The following CLNK variants were observed in gnomAD, a reference collection of about 807,000 sequenced individuals.
CLNK encodes cytokine dependent hematopoietic cell linker.
A neutral mutation model predicts 68.6 loss-of-function variants in CLNK; 74 were observed. That is an observed-to-expected ratio of 1.08 (90% confidence interval 0.89 to 1.31). The LOEUF (loss-of-function observed/expected upper bound fraction) is 1.31, where lower values mean the gene tolerates loss of function less well. CLNK is among the 50% of genes most tolerant of loss of function. CLNK has a pLI of 0.00. For synonymous variants in CLNK, 198 were observed against 172.2 expected (o/e 1.15, Z -1.17); for missense variants, 553 against 515.3 (o/e 1.07, Z -0.71).
upstream of CLNK, among the ~76,000 whole-genome samples, chr4:10,688,255 A>G (rs1211731799): frequency 6.6e-6 from 1 of 151,794 alleles, no homozygotes; most frequent in Non-Finnish European, 1.5e-5. Context: ...GTGTAGAGCT[A>G]AATCTATGTT....
In CLNK at chr4:10,610,048, T is replaced by G. The variant is rs1448404526; in HGVS notation, c.12-11999A>C. On this transcript the variant is annotated intron_variant, in intron 2 of 18. Transcript: ENST00000226951. ...ATGAATGCTCGTTTTTTTTTTTTTT[T>G]TTTTTTTTTTTTTTTTTTTTTTTTT... 6.6e-3 allele frequency among the ~76,000 whole-genome samples: 69 copies of G among 10,386 alleles called. 5 individuals are homozygous for G. Among genetic ancestry groups the G allele is most frequent in the Non-Finnish European group, 8.6e-3 (34 of 3,966 alleles). 6.8% of individuals were successfully genotyped at this position (10,386 alleles called of 152,430 possible). A position where few individuals can be genotyped will look rare whatever the true frequency, so the allele number is the denominator to read the frequency against.
chr4:10,715,338 C>G, the CLNK span, among the ~76,000 whole-genome samples: 1 of 152,166 alleles, frequency 6.6e-6, no homozygotes, highest in Non-Finnish European at 1.5e-5. Context: ...CACCTTGTAG[C>G]TTCCACCCCG....
At chr4:10,532,664 T>G (rs560769504) in intron 11 of CLNK, among the ~76,000 whole-genome samples, 1 of 152,252 alleles carries the variant, frequency 6.6e-6, no homozygotes, top group South Asian at 2.1e-4. Context: ...TGAGGGAACA[T>G]AAAGAGTTTT....
intron 2 of CLNK, among the ~76,000 whole-genome samples, chr4:10,641,219 G>A (rs1482847088): frequency 6.6e-6 from 1 of 152,142 alleles, no homozygotes; most frequent in African/African-American, 2.4e-5. Flanking sequence ...TTACTCAGTG[G>A]GGTTTCACAG....
Position 10,490,565 on chromosome 4 carries a change from T to C in CLNK, c.1189A>G (p.Ile397Val). ...DIIEHYKNFP[I>V]ILIDGKDKTG... ...TTATCTTTCCCATCAATTAGTATAATGGGAAAATTCTTGTAGTGTTCGATG... is the reference window on the plus strand; with the variant it reads ...TTATCTTTCCCATCAATTAGTATAACGGGAAAATTCTTGTAGTGTTCGATG... Residue 397 changes from isoleucine to valine, a missense_variant, in exon 19 of 19, where the codon ATT becomes GTT. Coordinates refer to ENST00000226951, the MANE Select transcript of CLNK (RefSeq NM_052964.4). The C allele has an allele frequency of 1.3e-6, 2 of 1,596,202 alleles. No homozygotes were observed. Among genetic ancestry groups the C allele is most frequent in the South Asian group, 1.1e-5 (1 of 87,838 alleles).
chr4:10,667,791 C>A, intron 2 of CLNK, 68 bp downstream of exon 2: 1 of 1,447,154 alleles, frequency 6.9e-7, no homozygotes, highest in Non-Finnish European at 9.3e-7. Flanking sequence ...AGTTCATCTT[C>A]CAGAAAACAC....
the CLNK span, among the ~76,000 whole-genome samples, chr4:10,731,714 C>A: frequency 2.0e-5 from 3 of 152,116 alleles, no homozygotes; most frequent in Non-Finnish European, 4.4e-5. Flanking sequence ...TCATGGTGTG[C>A]AAAATGTGTC....
At chr4:10,599,833 T>A (rs1308615723) in intron 2 of CLNK, among the ~76,000 whole-genome samples, 2 of 152,210 alleles carry the variant, frequency 1.3e-5, no homozygotes, top group Non-Finnish European at 2.9e-5. Context: ...TCAGCCTTAC[T>A]TCTGCTTTCA....
At chr4:10,664,842 T>C (rs971920197) in intron 2 of CLNK, among the ~76,000 whole-genome samples, 3 of 152,216 alleles carry the variant, frequency 2.0e-5, no homozygotes, top group Non-Finnish European at 4.4e-5. Flanking sequence ...ACCTTTCATT[T>C]GTGTGGTGCC....
In CLNK at chr4:10,487,417, C is replaced by T. The variant is rs1300455379; in HGVS notation, c.*3050G>A. On this transcript the variant is annotated 3_prime_UTR_variant, in exon 19 of 19. Transcript: ENST00000226951. ...AAACAAATACAATCGAATTTATATACTCTTATTATTTAATCATCCATTACA... is the reference window on the plus strand; with the variant it reads ...AAACAAATACAATCGAATTTATATATTCTTATTATTTAATCATCCATTACA... 3 of 152,108 alleles carry T rather than the reference C, an allele frequency of 2.0e-5. No homozygotes were observed. The highest frequency in any genetic ancestry group is 2.9e-5 in the Non-Finnish European group (2 of 68,030). The allele number at this position is 152,108 out of a possible 1,614,324, so 9.4% of individuals were successfully genotyped here.
At chr4:10,549,684 A>C (rs1316286224) in intron 8 of CLNK, among the ~76,000 whole-genome samples, 1 of 152,234 alleles carries the variant, frequency 6.6e-6, no homozygotes, top group Non-Finnish European at 1.5e-5. Flanking sequence ...TTATAGTATG[A>C]AAAATTAGAG....
chr4:10,550,995 G>A (rs565888402), intron 8 of CLNK, among the ~76,000 whole-genome samples: 20 of 152,346 alleles, frequency 1.3e-4, no homozygotes, highest in African/African-American at 4.6e-4. Flanking sequence ...AATGGACACA[G>A]CGCAACAGAA....
At chr4:10,725,116 C>T in the CLNK span, among the ~76,000 whole-genome samples, 1 of 152,110 alleles carries the variant, frequency 6.6e-6, no homozygotes, top group Non-Finnish European at 1.5e-5. Context: ...AGAAAAGGTG[C>T]ATAATGCCTC....
intron 2 of CLNK, among the ~76,000 whole-genome samples, chr4:10,650,790 A>C (rs1291821808): frequency 6.6e-6 from 1 of 152,232 alleles, no homozygotes; most frequent in East Asian, 1.9e-4. Flanking sequence ...TAAAATTTGC[A>C]ATCTATGCAT....
intron 13 of CLNK, among the ~76,000 whole-genome samples, chr4:10,526,580 A>T (rs1210538854): frequency 2.0e-5 from 3 of 152,130 alleles, no homozygotes; most frequent in Non-Finnish European, 4.4e-5. Flanking sequence ...TGGCAGATGG[A>T]GGAGATTGGG....
chr4:10,700,783 AAGAAAC>A, the CLNK span, among the ~76,000 whole-genome samples: 369 of 152,298 alleles, frequency 2.4e-3, 1 homozygote, highest in African/African-American at 8.5e-3. Context: ...CATACAATGA[AAGAAAC>A]ATGGTTTTGT....
At chr4:10,558,843 G>C (rs964848483) in intron 7 of CLNK, among the ~76,000 whole-genome samples, 1 of 152,134 alleles carries the variant, frequency 6.6e-6, no homozygotes, top group Non-Finnish European at 1.5e-5. Flanking sequence ...AATGAGGCAG[G>C]CAGGTCAGGG....
chr4:10,681,689 T>C (rs190100260), intron 1 of CLNK, among the ~76,000 whole-genome samples: 1 of 152,316 alleles, frequency 6.6e-6, no homozygotes, highest in Admixed American at 6.5e-5. Context: ...GTTCCTTAAA[T>C]GCTGTTGACT....
chr4:10,493,581 A>G (rs1716684097), intron 18 of CLNK, among the ~76,000 whole-genome samples: 1 of 152,164 alleles, frequency 6.6e-6, no homozygotes, highest in Non-Finnish European at 1.5e-5. Flanking sequence ...TCCTAACACC[A>G]TCACCTTAGG....
Sources: gnomAD v4.1 joint callset for allele counts (sites outside exome capture counted in the v4.1 genomes callset) on GRCh38, gnomAD v4.1.1 for gene constraint, MANE v1.5 for transcripts, NCBI Gene and HGNC (gene_info 2026-07-23, HGNC 2026-07-21) for gene names.